Variants in GPHN observed in about 807,000 individuals in gnomAD.
GPHN encodes gephyrin.
GPHN carries 17 observed loss-of-function variants against 95.5 expected under a neutral mutation model. The observed-to-expected ratio is 0.18, with a 90% CI of 0.12 to 0.27. The LOEUF (loss-of-function observed/expected upper bound fraction) is 0.27. Ranked by LOEUF, GPHN falls within the 10% of genes least tolerant of loss-of-function variation. GPHN has a pLI of 1.00. For synonymous variants in GPHN, 320 were observed against 322.5 expected (o/e 0.99, Z 0.08); for missense variants, 660 against 978.1 (o/e 0.67, Z 4.34).
rs933570699 is a variant in GPHN, at chr14:66,664,548, C to T, written c.65-16559C>T. 2.0e-4 allele frequency among the ~76,000 whole-genome samples: 30 copies of T among 152,066 alleles called. 1 individual carries two copies. Among genetic ancestry groups the T allele is most frequent in the Non-Finnish European group, 5.9e-5 (4 of 67,992 alleles). On this transcript the variant is annotated intron_variant, in intron 1 of 22. Transcript: ENST00000478722. ...GAAAGCTAGCAAGATCTCAAGTTAA[C>T]AACCTAATGTCACAATGAAAAGAAC... is the stretch of plus-strand genomic sequence containing the variant.
intron 4 of GPHN, among the ~76,000 whole-genome samples, chr14:66,829,518 A>G (rs112974248): frequency 5.2e-4 from 79 of 152,248 alleles, no homozygotes; most frequent in African/African-American, 1.6e-3. Context: ...ATGTCCCATT[A>G]TTACTTCAAA....
intron 3 of GPHN, among the ~76,000 whole-genome samples, chr14:66,800,242 C>A (rs568438939): frequency 3.7e-4 from 57 of 152,092 alleles, no homozygotes; most frequent in Non-Finnish European, 6.6e-4. Context: ...AGTCTGCAAA[C>A]CCCAGTTACA....
intron 3 of GPHN, among the ~76,000 whole-genome samples, chr14:66,798,166 A>T (rs1387763819): frequency 1.3e-5 from 2 of 151,994 alleles, no homozygotes; most frequent in African/African-American, 4.8e-5. Flanking sequence ...AATCCCAGGA[A>T]TAAATCCCAC....
chr14:66,748,505 T>C (rs1345229433), intron 2 of GPHN, among the ~76,000 whole-genome samples: 1 of 150,902 alleles, frequency 6.6e-6, no homozygotes, highest in Non-Finnish European at 1.5e-5. Context: ...TTTGTTGCCA[T>C]TGAAGCTACA....
At chr14:66,910,635 T>A (rs2065625541) in intron 5 of GPHN, among the ~76,000 whole-genome samples, 1 of 152,002 alleles carries the variant, frequency 6.6e-6, no homozygotes, top group Non-Finnish European at 1.5e-5. Flanking sequence ...CACACACACA[T>A]ATGTATATAT....
chr14:67,362,360 A>G, the GPHN span, among the ~76,000 whole-genome samples: 1 of 152,142 alleles, frequency 6.6e-6, no homozygotes, highest in African/African-American at 2.4e-5. Flanking sequence ...TGCTTAGTAC[A>G]TAGTAGCTAC....
intron 4 of GPHN, among the ~76,000 whole-genome samples, chr14:66,875,271 A>G (rs1378501797): frequency 1.3e-5 from 2 of 152,208 alleles, no homozygotes; most frequent in African/African-American, 4.8e-5. Flanking sequence ...TGAATATTGG[A>G]AGGAACAACT....
chr14:67,349,072 T>C, the GPHN span: 1 of 1,614,150 alleles, frequency 6.2e-7, no homozygotes, highest in African/African-American at 1.3e-5. Flanking sequence ...AATCTTCACT[T>C]GCGCTTTATT....
intron 1 of GPHN, among the ~76,000 whole-genome samples, chr14:66,592,942 A>G (rs2140699783): frequency 6.6e-6 from 1 of 152,378 alleles, no homozygotes; most frequent in East Asian, 1.9e-4. Flanking sequence ...AATTTGGCAC[A>G]TGTACATCAT....
chr14:67,481,840 C>T, the GPHN span, among the ~76,000 whole-genome samples: 2 of 152,166 alleles, frequency 1.3e-5, no homozygotes, highest in Non-Finnish European at 2.9e-5. Flanking sequence ...CAGGGAGAAC[C>T]GGCAGCTCAG....
intron 2 of GPHN, among the ~76,000 whole-genome samples, chr14:66,756,121 G>A (rs945828748): frequency 1.3e-5 from 2 of 152,020 alleles, no homozygotes; most frequent in African/African-American, 4.8e-5. Flanking sequence ...AAAAGTTTTT[G>A]TTGAATATAT....
chr14:66,948,109 G>A (rs1026532738), intron 8 of GPHN, among the ~76,000 whole-genome samples: 2 of 152,022 alleles, frequency 1.3e-5, no homozygotes, highest in Non-Finnish European at 2.9e-5. Context: ...TTTTATAAGT[G>A]CCATAAGAAA....
intron 1 of GPHN, among the ~76,000 whole-genome samples, chr14:66,612,026 G>C (rs1016503720): frequency 6.6e-5 from 10 of 151,680 alleles, no homozygotes; most frequent in Admixed American, 1.3e-4. Context: ...ATATTCCATC[G>C]TTCTTTTTTC....
At chr14:67,334,755 A>G in the GPHN span, 1 of 152,200 alleles carries the variant, frequency 6.6e-6, no homozygotes, top group Admixed American at 6.5e-5. Context: ...AGAGCCAGGA[A>G]ATTTCACAGG....
At chr14:66,772,099 C>A (rs1276659127) in intron 2 of GPHN, among the ~76,000 whole-genome samples, 2 of 151,294 alleles carry the variant, frequency 1.3e-5, no homozygotes, top group Non-Finnish European at 2.9e-5. Context: ...AAAAAATAAA[C>A]CTTTGTCCTT....
chr14:67,320,516 G>T, the GPHN span: 1 of 942,936 alleles, frequency 1.1e-6, no homozygotes, highest in Non-Finnish European at 1.5e-6. Context: ...CAGTGAAAGA[G>T]GAACTTTAAC....
At chr14:67,586,213 G>A in the GPHN span, 1 of 1,292,088 alleles carries the variant, frequency 7.7e-7, no homozygotes, top group Non-Finnish European at 1.1e-6. Flanking sequence ...AGATAAAATT[G>A]TTGGTCTTGT....
chr14:67,366,201 C>T, the GPHN span, among the ~76,000 whole-genome samples: 1 of 151,814 alleles, frequency 6.6e-6, no homozygotes, highest in African/African-American at 2.4e-5. Context: ...TCAAGCAGTC[C>T]TCCCAAGTAG....
At chr14:66,683,444 A>G (rs180673405) in intron 2 of GPHN, among the ~76,000 whole-genome samples, 26 of 132,278 alleles carry the variant, frequency 2.0e-4, no homozygotes, top group African/African-American at 6.9e-4. Context: ...TTGTGTTGTT[A>G]TGATGGGAAA....
Sources: allele counts gnomAD v4.1 joint callset (sites outside exome capture counted in the v4.1 genomes callset), GRCh38; gene constraint gnomAD v4.1.1; transcripts MANE v1.5; gene names NCBI Gene and HGNC (gene_info 2026-07-23, HGNC 2026-07-21).